LAMA3: variants seen among roughly 807,000 people sequenced by gnomAD.
LAMA3 encodes the protein laminin subunit alpha-3.
In LAMA3, 281 loss-of-function variants were observed where a neutral mutation model predicts 402.0. That is an observed-to-expected ratio of 0.70 (90% confidence interval 0.63 to 0.77). The LOEUF is 0.77. Among genes scored for constraint, LAMA3 ranks in the 30% least tolerant of loss-of-function variants. LAMA3 has a pLI of 0.00. For synonymous variants in LAMA3, 1,431 were observed against 1,558.4 expected (o/e 0.92, Z 1.93); for missense variants, 3,840 against 4,215.5 (o/e 0.91, Z 2.47).
intron 56 of LAMA3, among the ~76,000 whole-genome samples, chr18:23,913,412 A>T (rs2081503184): frequency 6.6e-6 from 1 of 152,228 alleles, no homozygotes; most frequent in South Asian, 2.1e-4. Flanking sequence ...CTGTCTCTTT[A>T]TCAGTGTAAA....
rs1464945805 is a variant in LAMA3 at position 23,839,450 on chromosome 18, A to G, written c.3192-335A>G. On this transcript the variant is annotated intron_variant, in intron 26 of 74. Transcript: ENST00000313654. This position sits in a 1 kb window ranked among gnomAD's most constrained non-coding sequence, Gnocchi z 4.5. ...CTTATATAGTGTTCTGTCAATATTT[A>G]TGTTTAGAGGTGAATAATGTTTTAT... Among the ~76,000 whole-genome samples, 1 of 152,172 alleles carries G rather than the reference A, an allele frequency of 6.6e-6. No individual in the cohort carries two copies. The highest frequency in any genetic ancestry group is 6.5e-5 in the Admixed American group (1 of 15,282).
At chr18:23,703,201 T>G (rs1433891916) in intron 1 of LAMA3, among the ~76,000 whole-genome samples, 3 of 152,304 alleles carry the variant, frequency 2.0e-5, no homozygotes, top group Non-Finnish European at 2.9e-5. Flanking sequence ...TGATTCTAAG[T>G]CCAGAAGCGT....
intron 12 of LAMA3, among the ~76,000 whole-genome samples, 169 bp downstream of exon 12, chr18:23,784,326 C>T (rs1298999361): frequency 6.6e-6 from 1 of 152,182 alleles, no homozygotes; most frequent in Non-Finnish European, 1.5e-5. Context: ...CTTGTCACTT[C>T]CCTTCTTTCC....
chr18:23,908,452 C>T (rs1353088810), intron 54 of LAMA3, among the ~76,000 whole-genome samples: 2 of 150,500 alleles, frequency 1.3e-5, no homozygotes, highest in Non-Finnish European at 3.0e-5. Context: ...ATGGCGTGAT[C>T]CTGGGAGGTG....
At chr18:23,884,297 G>A (rs1284944242) in intron 40 of LAMA3, among the ~76,000 whole-genome samples, 2 of 152,072 alleles carry the variant, frequency 1.3e-5, no homozygotes, top group Admixed American at 6.5e-5. Flanking sequence ...GCATCTTTAG[G>A]GGGCTCCAGG....
rs118135368 is a variant in LAMA3 at position 23,842,872 on chromosome 18, G to A, written c.3603+122G>A. 768 of 1,312,278 alleles carry A rather than the reference G, an allele frequency of 5.9e-4. 5 individuals carry two copies. In the East Asian group the frequency reaches 0.017, roughly 29 times the overall value. The allele number at this position is 1,312,278 out of a possible 1,614,324, so 81.3% of individuals were successfully genotyped here. On this transcript the variant is annotated intron_variant, in intron 29 of 74. Coordinates refer to ENST00000313654, the MANE Select transcript of LAMA3 (RefSeq NM_198129.4). ...ATTGAAGTCATATTTGTAGAAAAAT[G>A]TTTAAATTTTACAGCTGTCTTTTAC...
chr18:23,926,417 A>C (rs572115363), intron 62 of LAMA3, among the ~76,000 whole-genome samples: 21 of 152,346 alleles, frequency 1.4e-4, no homozygotes, highest in African/African-American at 1.9e-4. Context: ...ATAAATAGGC[A>C]AGCTCCAGGA....
chr18:23,773,515 A>C lies in LAMA3; in HGVS notation c.1201A>C (p.Asn401His). ...INCQHNTAGV[N>H]CEQCAKGYYR... is the part of the protein sequence containing the mutation. ...TTTCTAGCACAACACAGCTGGAGTA[A>C]ACTGTGAACAGTGTGCTAAGGGCTA... is the stretch of plus-strand genomic sequence containing the variant. The change falls in exon 9 of 75, where the codon AAC (asparagine) becomes CAC (histidine). Residue 401 changes from asparagine to histidine, a missense_variant. This residue lies in a region of LAMA3 where 2,109 missense variants were observed against 2,376.0 expected (regional missense o/e 0.89). Transcript: ENST00000313654. 1 of 1,598,290 alleles carries C rather than the reference A, an allele frequency of 6.3e-7. No homozygotes were observed. The highest frequency in any genetic ancestry group is 8.5e-7 in the Non-Finnish European group (1 of 1,170,168).
chr18:23,781,242 A>G (rs1223335693), intron 11 of LAMA3: 2 of 447,516 alleles, frequency 4.5e-6, no homozygotes, highest in Non-Finnish European at 4.5e-6. Context: ...ATTCGTTCTC[A>G]GCCTACAGGG....
intron 36 of LAMA3, among the ~76,000 whole-genome samples, chr18:23,865,160 A>C (rs998449532): frequency 6.6e-6 from 1 of 151,968 alleles, no homozygotes; most frequent in Non-Finnish European, 1.5e-5. Context: ...CTTTTTTTGA[A>C]CTTTTTTTAT....
At chr18:23,942,992 G>A (rs2082577520) in intron 68 of LAMA3, among the ~76,000 whole-genome samples, 1 of 152,160 alleles carries the variant, frequency 6.6e-6, no homozygotes, top group Non-Finnish European at 1.5e-5. Flanking sequence ...GGGAGAAGGT[G>A]GGTCTGTGCT....
At chr18:23,790,201 T>G (rs1490173560) in intron 12 of LAMA3, among the ~76,000 whole-genome samples, 1 of 152,190 alleles carries the variant, frequency 6.6e-6, no homozygotes, top group Non-Finnish European at 1.5e-5. Flanking sequence ...TCAAGAAGCA[T>G]GAGGGCTATT....
At chr18:23,876,518 A>T in intron 39 of LAMA3, 111 bp downstream of exon 39, 2 of 717,132 alleles carry the variant, frequency 2.8e-6, no homozygotes, top group Non-Finnish European at 5.0e-6. Flanking sequence ...CCCTAAATAG[A>T]GGTCGCTGTG....
chr18:23,728,351 C>T (rs1213837611), intron 2 of LAMA3, among the ~76,000 whole-genome samples: 1 of 152,096 alleles, frequency 6.6e-6, no homozygotes, highest in Non-Finnish European at 1.5e-5. Context: ...CATTTGGTCC[C>T]CCAGCTGCCT....
chr18:23,912,066 A>T (rs2081446787), intron 55 of LAMA3, among the ~76,000 whole-genome samples: 1 of 145,884 alleles, frequency 6.9e-6, no homozygotes, highest in Admixed American at 6.9e-5. Context: ...ATAAAAATAT[A>T]TTTTATATAT....
At chr18:23,755,842 A>G (rs2061832717) in intron 6 of LAMA3, among the ~76,000 whole-genome samples, 1 of 152,232 alleles carries the variant, frequency 6.6e-6, no homozygotes, top group South Asian at 2.1e-4. Context: ...GGAATTCTCT[A>G]ATCAATGACA....
rs774812844 is a variant in LAMA3 at position 23,833,850 on chromosome 18, G to A, written c.2846G>A (p.Arg949His). The change falls in exon 24 of 75, where the codon CGC becomes CAC. Residue 949 changes from arginine (R) to histidine (H), a missense_variant. Coordinates refer to ENST00000313654, the MANE Select transcript of LAMA3 (RefSeq NM_198129.4). ...GREVELHLRL[R>H]IPQVGHYVVV... ...CAGGTGGAATTGCATCTGCGGCTGC[G>A]CATCCCACAGGTTGGCCACTACGTG... 7.4e-6 allele frequency: 12 copies of A among 1,613,324 alleles called. No homozygotes were observed. The highest frequency in any genetic ancestry group is 3.3e-5 in the Admixed American group (2 of 59,996).
chr18:23,853,300 T>C (rs2063987316), intron 32 of LAMA3, among the ~76,000 whole-genome samples: 1 of 152,012 alleles, frequency 6.6e-6, no homozygotes, highest in Admixed American at 6.6e-5. Context: ...TGAGATGGAG[T>C]TTCACTCTTG....
rs201747231 is a variant in LAMA3 at position 23,954,963 on chromosome 18, T to TA, written c.*322dup. 1,396 of 329,916 alleles carry TA rather than the reference T, an allele frequency of 4.2e-3. 17 individuals carry two copies. The highest frequency in any genetic ancestry group is 0.028 in the African/African-American group (1,307 of 46,962). 20.4% of individuals were successfully genotyped at this position (329,916 alleles called of 1,614,324 possible). A position where few individuals can be genotyped will look rare whatever the true frequency, so the allele number is the denominator to read the frequency against. ...TTAAGAAACATTCTTTTCCACTTGT[T>TA]AAAAAAATTAAATATATTTTAAAGC... On this transcript the variant is annotated 3_prime_UTR_variant, in exon 75 of 75. Transcript: ENST00000313654.
Sources: gnomAD v4.1 joint callset for allele counts (sites outside exome capture counted in the v4.1 genomes callset) on GRCh38, gnomAD v4.1.1 for gene constraint, gnomAD v4.1.1 regional missense constraint, Gnocchi (gnomAD v3.1) non-coding constraint, MANE v1.5 for transcripts, NCBI Gene and HGNC (gene_info 2026-07-23, HGNC 2026-07-21) for gene names.